Variants in CFDP1 observed in about 807,000 individuals in gnomAD.
CFDP1 encodes the protein chromatin remodeling protein CFDP1, also known as heterochromatin-stabilizing protein CFDP1.
CFDP1 carries 31 observed loss-of-function variants against 40.1 expected under a neutral mutation model. The ratio of observed to expected loss-of-function variants is 0.77; its 90% confidence interval spans 0.58 to 1.04. The LOEUF is 1.04. Among genes scored for constraint, CFDP1 ranks in the 50% least tolerant of loss-of-function variants. The probability of loss-of-function intolerance (pLI) is 0.00; values close to 1 mark genes in which losing one functional copy is unlikely to be tolerated. For missense variants in CFDP1, 423 were observed against 343.4 expected (o/e 1.23, Z -1.83); for synonymous variants, 167 against 120.0 (o/e 1.39, Z -2.56).
chr16:75,389,670 GA>G (rs5817944), intron 5 of CFDP1, among the ~76,000 whole-genome samples: 79,038 of 151,970 alleles, frequency 0.52, 21,587 homozygotes, highest in Admixed American at 0.64. Context: ...CTCCCAAAAT[GA>G]AAAAAGTCTG....
At chr16:75,374,167 C>A (rs2078774249) in intron 5 of CFDP1, among the ~76,000 whole-genome samples, 1 of 151,990 alleles carries the variant, frequency 6.6e-6, no homozygotes, top group Non-Finnish European at 1.5e-5. Context: ...ACATGAGAAT[C>A]ACTTGAACCC....
chr16:75,413,304 C>T (rs1333193372), intron 2 of CFDP1, among the ~76,000 whole-genome samples: 1 of 152,182 alleles, frequency 6.6e-6, no homozygotes, highest in Non-Finnish European at 1.5e-5. Context: ...CGCAGTGGCT[C>T]ACACCTGTAA....
intron 5 of CFDP1, among the ~76,000 whole-genome samples, chr16:75,394,353 C>G (rs571775558): frequency 1.7e-3 from 265 of 152,222 alleles, no homozygotes; most frequent in Non-Finnish European, 3.0e-3. Flanking sequence ...TAGCCTTCAG[C>G]TAAAAATAAC....
At chr16:75,416,745 C>T (rs944125862) in intron 1 of CFDP1, among the ~76,000 whole-genome samples, 2 of 152,134 alleles carry the variant, frequency 1.3e-5, no homozygotes, top group South Asian at 4.1e-4. Flanking sequence ...AAGACCCTGT[C>T]TCAAAAAAAT....
At chr16:75,350,465 G>A (rs1028461760) in intron 5 of CFDP1, among the ~76,000 whole-genome samples, 13 of 152,122 alleles carry the variant, frequency 8.5e-5, no homozygotes, top group African/African-American at 3.1e-4. Context: ...GGTTTGATTT[G>A]CATCTCTCTA....
intron 5 of CFDP1, among the ~76,000 whole-genome samples, chr16:75,390,160 T>C (rs1252855554): frequency 5.3e-5 from 8 of 152,194 alleles, no homozygotes; most frequent in Admixed American, 3.9e-4. Flanking sequence ...ATTTCACTTG[T>C]ATAGCTCCCA....
At chr16:75,312,696 A>G (rs1320527435) in intron 5 of CFDP1, among the ~76,000 whole-genome samples, 1 of 152,188 alleles carries the variant, frequency 6.6e-6, no homozygotes, top group East Asian at 1.9e-4. Context: ...TGTGTTGTTG[A>G]GCAGAGGTGT....
intron 5 of CFDP1, among the ~76,000 whole-genome samples, chr16:75,323,779 C>CA (rs5817940): frequency 0.55 from 74,936 of 135,898 alleles, 20,543 homozygotes; most frequent in Admixed American, 0.68. Context: ...AGCTCTGTCT[C>CA]AAAAAAAAAA....
At chr16:75,316,569 TAA>T (rs780200659) in intron 5 of CFDP1, among the ~76,000 whole-genome samples, 87 of 26,580 alleles carry the variant, frequency 3.3e-3, no homozygotes, top group African/African-American at 0.011. Context: ...AGACCCTGTC[TAA>T]AAAAAAAAAA....
rs564237662 is a variant in CFDP1, at chr16:75,327,066, C to T, written c.651-21884G>A. 3.3e-5 allele frequency among the ~76,000 whole-genome samples: 5 copies of T among 152,172 alleles called. No individual in the cohort carries two copies. The South Asian group carries it at 8.3e-4, about 25-fold the overall frequency. ...CGGGCGGATCATGAGGTCAGGAGAT[C>T]GAGACCATCCTGGCACACGGTGAAA... On this transcript the variant is annotated intron_variant, in intron 5 of 6. Coordinates refer to ENST00000283882, the MANE Select transcript of CFDP1 (RefSeq NM_006324.3).
chr16:75,393,322 T>C (rs762224057), intron 5 of CFDP1, among the ~76,000 whole-genome samples: 2 of 152,108 alleles, frequency 1.3e-5, no homozygotes, highest in Non-Finnish European at 2.9e-5. Flanking sequence ...ACCTCTCACA[T>C]AAATGACATG....
chr16:75,408,789 A>T (rs1183354447), intron 4 of CFDP1, among the ~76,000 whole-genome samples: 3 of 151,198 alleles, frequency 2.0e-5, no homozygotes, highest in African/African-American at 7.3e-5. Context: ...TAATAATAAT[A>T]AAAAAAAATA....
intron 5 of CFDP1, among the ~76,000 whole-genome samples, chr16:75,365,356 C>T (rs2078706397): frequency 6.6e-6 from 1 of 152,136 alleles, no homozygotes; most frequent in African/African-American, 2.4e-5. Flanking sequence ...TATTTGAAGG[C>T]ACTGGAGAGC....
At chr16:75,403,796 A>T (rs2079075654) in intron 4 of CFDP1, among the ~76,000 whole-genome samples, 1 of 152,148 alleles carries the variant, frequency 6.6e-6, no homozygotes, top group South Asian at 2.1e-4. Flanking sequence ...CTTCCAGAAT[A>T]ATTTCAGGCA....
At chr16:75,360,402 A>G (rs2078673333) in intron 5 of CFDP1, among the ~76,000 whole-genome samples, 1 of 152,258 alleles carries the variant, frequency 6.6e-6, no homozygotes, top group African/African-American at 2.4e-5. Context: ...CCAATCTATG[A>G]CAATCTGAGC....
chr16:75,431,687 G>A (rs1443387019), intron 1 of CFDP1, among the ~76,000 whole-genome samples: 1 of 152,062 alleles, frequency 6.6e-6, no homozygotes, highest in Non-Finnish European at 1.5e-5. Flanking sequence ...CTGGACACAG[G>A]TTCAACGGCA....
intron 5 of CFDP1, among the ~76,000 whole-genome samples, chr16:75,369,530 T>C (rs1025909446): frequency 6.6e-6 from 1 of 152,232 alleles, no homozygotes; most frequent in African/African-American, 2.4e-5. Flanking sequence ...TGCCTATTTA[T>C]TCTCCAATAA....
chr16:75,429,563 G>C (rs1383959537), intron 1 of CFDP1, among the ~76,000 whole-genome samples: 1 of 152,210 alleles, frequency 6.6e-6, no homozygotes, highest in Non-Finnish European at 1.5e-5. Context: ...TGAGGCAAGA[G>C]AATCGCTCAA....
At chr16:75,296,511 G>C (rs989288475) in intron 6 of CFDP1, among the ~76,000 whole-genome samples, 3 of 152,184 alleles carry the variant, frequency 2.0e-5, no homozygotes, top group Non-Finnish European at 2.9e-5. Context: ...TAGGATTACA[G>C]GTGAGAGCCA....
Sources: gnomAD v4.1 joint callset for allele counts (sites outside exome capture counted in the v4.1 genomes callset) on GRCh38, gnomAD v4.1.1 for gene constraint, MANE v1.5 for transcripts, NCBI Gene and HGNC (gene_info 2026-07-23, HGNC 2026-07-21) for gene names.